The following ANKRD11 variants were observed in gnomAD, a reference collection of about 807,000 sequenced individuals.
ANKRD11 encodes the protein ankyrin repeat domain-containing protein 11.
Under a neutral mutation model 195.7 loss-of-function variants are expected in ANKRD11, and 17 were observed. That is an observed-to-expected ratio of 0.09 (90% CI 0.06 to 0.13). The LOEUF (loss-of-function observed/expected upper bound fraction) is 0.13. ANKRD11 is among the 10% of genes least tolerant of loss of function. The pLI is 1.00. For synonymous variants in ANKRD11, 1,953 were observed against 1,528.1 expected (o/e 1.28, Z -6.49); for missense variants, 3,735 against 3,566.1 (o/e 1.05, Z -1.21).
At position 89,282,238 on chromosome 16, in the gene ANKRD11, C is replaced by T; in HGVS notation, c.4304G>A (p.Arg1435Lys). The change falls in exon 9 of 13, where the codon AGA becomes AAA. Residue 1435 changes from arginine to lysine, a missense_variant. Arg to Lys is a conservative substitution (Grantham distance 26). Coordinates refer to ENST00000301030, the MANE Select transcript of ANKRD11 (RefSeq NM_013275.6). ...CTTTTCTATTTTCTTGGAAGGTTCT[C>T]TCTCGGAATCATTTTTATCTTTCTT... ...TEKKDKNDSE[R>K]EPSKKIEKEL... is the part of the protein sequence containing the mutation. The T allele has an allele frequency of 3.7e-6, 6 of 1,614,010 alleles. No individual in the cohort carries two copies. Among genetic ancestry groups the T allele is most frequent in the Non-Finnish European group, 5.1e-6 (6 of 1,180,008 alleles).
chr16:89,480,446 C>T (rs2057407748), intron 1 of ANKRD11, among the ~76,000 whole-genome samples: 1 of 151,478 alleles, frequency 6.6e-6, no homozygotes, highest in African/African-American at 2.4e-5. Context: ...CACTGCACTC[C>T]AGCCTGGGCG....
At chr16:89,467,092 G>T (rs1357957656) in intron 1 of ANKRD11, among the ~76,000 whole-genome samples, 3 of 152,170 alleles carry the variant, frequency 2.0e-5, no homozygotes, top group African/African-American at 7.2e-5. Context: ...GGCGCAGGGA[G>T]AAAAAGACCA....
At chr16:89,366,548 G>A (rs747357203) in intron 2 of ANKRD11, among the ~76,000 whole-genome samples, 1 of 152,178 alleles carries the variant, frequency 6.6e-6, no homozygotes, top group Non-Finnish European at 1.5e-5. Flanking sequence ...GTGTCTCGCT[G>A]TGAGAAACCC....
At chr16:89,415,368 C>T (rs1030667239) in intron 2 of ANKRD11, among the ~76,000 whole-genome samples, 2 of 149,014 alleles carry the variant, frequency 1.3e-5, no homozygotes, top group Non-Finnish European at 3.0e-5. Context: ...AGGTTCACGC[C>T]ATTCTCCTGC....
intron 1 of ANKRD11, among the ~76,000 whole-genome samples, chr16:89,438,452 T>C (rs2043308192): frequency 6.6e-6 from 1 of 152,006 alleles, no homozygotes; most frequent in South Asian, 2.1e-4. Context: ...CCCGAGTAGC[T>C]GGGACTACTG....
chr16:89,281,607 C>A lies in ANKRD11; in HGVS notation c.4935G>T (p.Leu1645=). The change falls in exon 9 of 13, where the codon CTG becomes CTT. Residue 1645 remains leucine, a synonymous_variant. Coordinates refer to ENST00000301030, the MANE Select transcript of ANKRD11 (RefSeq NM_013275.6). The surrounding 1 kb of genome is among the most constrained non-coding windows in gnomAD (Gnocchi z 5.5). ...LDIPAKKPPG[L]DPPFKDKKLK... ...GCTTTTTGTCTTTAAATGGAGGGTC[C>A]AGCCCCGGCGGTTTCTTAGCAGGAA... is the stretch of plus-strand genomic sequence containing the variant. The A allele has an allele frequency of 6.2e-7, 1 of 1,614,168 alleles. No homozygotes were observed. Among genetic ancestry groups the A allele is most frequent in the Non-Finnish European group, 8.5e-7 (1 of 1,180,032 alleles).
intron 2 of ANKRD11, among the ~76,000 whole-genome samples, chr16:89,414,417 G>C (rs1322060087): frequency 6.6e-6 from 1 of 152,142 alleles, no homozygotes; most frequent in Non-Finnish European, 1.5e-5. Context: ...GGGTCATCGG[G>C]GGTCACGCAG....
Position 89,268,670 on chromosome 16 carries a change from G to T in ANKRD11, c.7807-7C>A. The T allele has an allele frequency of 6.3e-7, 1 of 1,581,556 alleles. No homozygotes were observed. Among genetic ancestry groups the T allele is most frequent in the Non-Finnish European group, 8.6e-7 (1 of 1,164,210 alleles). On this transcript the variant is annotated splice_region_variant and splice_polypyrimidine_tract_variant and intron_variant, in intron 12 of 12. Transcript: ENST00000301030. ...GCCGCATGAGGAGGCAAGTCTGCGG[G>T]ACACACAGCGGGGAGAGGAGGGAGG...
intron 3 of ANKRD11, among the ~76,000 whole-genome samples, chr16:89,315,411 G>A (rs532695746): frequency 1.3e-5 from 2 of 151,934 alleles, no homozygotes; most frequent in East Asian, 1.9e-4. Flanking sequence ...ACCTGCCCTT[G>A]CGCCTTTCTG....
intron 1 of ANKRD11, among the ~76,000 whole-genome samples, chr16:89,488,679 T>G (rs2057702423): frequency 6.6e-6 from 1 of 152,134 alleles, no homozygotes; most frequent in South Asian, 2.1e-4. Context: ...TTTCCACAGG[T>G]AATATCATCT....
chr16:89,274,974 G>A lies in ANKRD11; in HGVS notation c.7570-17C>T, dbSNP rs1380730906. ...CAGCTTCTCCTGAAGGAGGAGAGGA[G>A]TAGAGTGAGCTGGGACACAGCCACG... On this transcript the variant is annotated splice_polypyrimidine_tract_variant and intron_variant, in intron 10 of 12. Transcript: ENST00000301030. 1.2e-6 allele frequency: 2 copies of A among 1,613,130 alleles called. No homozygotes were observed. The highest frequency in any genetic ancestry group is 1.7e-5 in the Admixed American group (1 of 60,034).
intron 2 of ANKRD11, among the ~76,000 whole-genome samples, chr16:89,322,719 G>A (rs1597632498): frequency 6.6e-6 from 1 of 152,168 alleles, no homozygotes; most frequent in African/African-American, 2.4e-5. Context: ...GGAAGCAGCA[G>A]TCCTGTGTGG....
chr16:89,271,479 G>C (rs1021414651), intron 11 of ANKRD11: 1 of 174,758 alleles, frequency 5.7e-6, no homozygotes, highest in Admixed American at 5.4e-5. Flanking sequence ...GTCCTGAAGG[G>C]TGGACACGGA....
intron 2 of ANKRD11, among the ~76,000 whole-genome samples, chr16:89,383,531 CAAG>C (rs1197857918): frequency 2.6e-5 from 4 of 152,340 alleles, no homozygotes; most frequent in Middle Eastern, 6.8e-3. Context: ...CCTGTGTCTG[CAAG>C]AAGGAAGAGC....
chr16:89,346,570 T>C (rs1417089249), intron 2 of ANKRD11, among the ~76,000 whole-genome samples: 2 of 152,170 alleles, frequency 1.3e-5, no homozygotes, highest in African/African-American at 4.8e-5. Context: ...GACAGTGCAG[T>C]TCAGATGGGA....
At chr16:89,432,462 G>C (rs2043024025) in intron 1 of ANKRD11, among the ~76,000 whole-genome samples, 1 of 152,044 alleles carries the variant, frequency 6.6e-6, no homozygotes. Flanking sequence ...CCCAGCCTCT[G>C]AGCAACCGCA....
In ANKRD11 at chr16:89,285,769, G is replaced by C. The variant is rs79636166; in HGVS notation, c.893-120C>G. On this transcript the variant is annotated intron_variant, in intron 8 of 12. Coordinates refer to ENST00000301030, the MANE Select transcript of ANKRD11 (RefSeq NM_013275.6). The surrounding 1 kb of genome is among the most constrained non-coding windows in gnomAD (Gnocchi z 5.6). Reference sequence around the variant, plus strand: ...AAGGTTCCCACCCTGCCTCTGCAGAGACACTTTGCTCGACTCATGGAAACC... The same window carrying C: ...AAGGTTCCCACCCTGCCTCTGCAGACACACTTTGCTCGACTCATGGAAACC... 6.6e-6 allele frequency: 8 copies of C among 1,212,360 alleles called. 1 individual carries two copies. Among genetic ancestry groups the C allele is most frequent in the Non-Finnish European group, 7.2e-6 (6 of 834,950 alleles). 75.1% of individuals were successfully genotyped at this position (1,212,360 alleles called of 1,614,324 possible). A position where few individuals can be genotyped will look rare whatever the true frequency, so the allele number is the denominator to read the frequency against.
intron 2 of ANKRD11, among the ~76,000 whole-genome samples, chr16:89,335,469 C>G (rs950128915): frequency 1.3e-5 from 2 of 152,220 alleles, no homozygotes; most frequent in African/African-American, 4.8e-5. Context: ...ACCTAGCACG[C>G]AGTACGCAGT....
At chr16:89,426,566 C>A (rs1199574047) in intron 1 of ANKRD11, among the ~76,000 whole-genome samples, 22 of 151,408 alleles carry the variant, frequency 1.5e-4, no homozygotes, top group African/African-American at 5.1e-4. Context: ...CACACACACA[C>A]AAATCTGAAA....
Sources: allele counts gnomAD v4.1 joint callset (sites outside exome capture counted in the v4.1 genomes callset), GRCh38; gene constraint gnomAD v4.1.1; non-coding constraint Gnocchi (gnomAD v3.1); transcripts MANE v1.5; gene names NCBI Gene and HGNC (gene_info 2026-07-23, HGNC 2026-07-21).